Variants in GDAP1 observed in about 807,000 individuals in gnomAD.
GDAP1 encodes the protein ganglioside-induced differentiation-associated protein 1.
In GDAP1, 34 loss-of-function variants were observed where a neutral mutation model predicts 40.1. That is an observed-to-expected ratio of 0.85 (90% confidence interval 0.64 to 1.13). The LOEUF (loss-of-function observed/expected upper bound fraction) is 1.13, where lower values mean the gene tolerates loss of function less well. GDAP1 is among the 50% of genes most tolerant of loss of function. The pLI, the probability that GDAP1 is intolerant of heterozygous loss-of-function variation, is 0.00. For missense variants in GDAP1, 374 were observed against 433.7 expected, an observed-to-expected ratio of 0.86 and a Z score of 1.22; for synonymous variants, 170 against 157.4, an observed-to-expected ratio of 1.08 and a Z score of -0.60.
At chr8:74,478,881 C>A (rs1806670297) in intron 2 of GDAP1, among the ~76,000 whole-genome samples, 1 of 152,160 alleles carries the variant, frequency 6.6e-6, no homozygotes, top group Non-Finnish European at 1.5e-5. Context: ...ACCTCTTCCC[C>A]AGGAGTCACT....
intron 2 of GDAP1, among the ~76,000 whole-genome samples, chr8:74,444,191 TGC>T (rs1806200302): frequency 1.9e-5 from 2 of 107,396 alleles, no homozygotes; most frequent in Admixed American, 1.1e-4. Flanking sequence ...GGCAGGCAAA[TGC>T]ACACACACAC....
chr8:74,478,250 G>A (rs1806660865), intron 2 of GDAP1, among the ~76,000 whole-genome samples: 1 of 152,110 alleles, frequency 6.6e-6, no homozygotes, highest in South Asian at 2.1e-4. Context: ...TCAGGTGCAC[G>A]TGCACACATG....
At chr8:74,383,449 G>T (rs1809983127) in intron 2 of GDAP1, among the ~76,000 whole-genome samples, 1 of 152,216 alleles carries the variant, frequency 6.6e-6, no homozygotes, top group Non-Finnish European at 1.5e-5. Flanking sequence ...TCTCTTGAGA[G>T]AGAAGGACCT....
chr8:74,487,269 A>T (rs1218356732), intron 2 of GDAP1, among the ~76,000 whole-genome samples: 1 of 152,178 alleles, frequency 6.6e-6, no homozygotes, highest in African/African-American at 2.4e-5. Context: ...CAACAAAAAC[A>T]TACCTTAAGG....
At chr8:74,402,339 G>A (rs1400987401) in intron 2 of GDAP1, among the ~76,000 whole-genome samples, 1 of 150,390 alleles carries the variant, frequency 6.6e-6, no homozygotes, top group Non-Finnish European at 1.5e-5. Context: ...AGACTCCGTG[G>A]GCGTAGGACC....
At chr8:74,359,791 A>G (rs1419180534) in intron 2 of GDAP1, among the ~76,000 whole-genome samples, 1 of 152,218 alleles carries the variant, frequency 6.6e-6, no homozygotes, top group Non-Finnish European at 1.5e-5. Flanking sequence ...TGTGTTATGG[A>G]TGTATAGAAG....
At position 74,351,470 on chromosome 8, in the gene GDAP1, A is replaced by G. The variant is rs1808873168; in HGVS notation, c.310+4A>G. On this transcript the variant is annotated splice_donor_region_variant and intron_variant, in intron 2 of 5. Coordinates refer to ENST00000220822, the MANE Select transcript of GDAP1 (RefSeq NM_018972.4). ...CTTGAACAGACTTTCCTGGATGGTA[A>G]TGTTAAGGCTACTTGCGATTTCTTG... is the stretch of plus-strand genomic sequence containing the variant. 1 of 1,603,018 alleles carries G rather than the reference A, an allele frequency of 6.2e-7. No homozygotes were observed. The highest frequency in any genetic ancestry group is 8.5e-7 in the Non-Finnish European group (1 of 1,169,862).
chr8:74,440,299 C>T (rs1806147450), intron 2 of GDAP1, among the ~76,000 whole-genome samples: 2 of 152,120 alleles, frequency 1.3e-5, no homozygotes, highest in Non-Finnish European at 2.9e-5. Context: ...CTCATTGAGA[C>T]AGGGGTATGG....
chr8:74,390,071 GC>G (rs1810084020), intron 2 of GDAP1, among the ~76,000 whole-genome samples: 1 of 152,136 alleles, frequency 6.6e-6, no homozygotes, highest in Non-Finnish European at 1.5e-5. Flanking sequence ...ATTCTAGTTA[GC>G]AATTCCTCTA....
intron 2 of GDAP1, among the ~76,000 whole-genome samples, chr8:74,398,113 A>T (rs1810242156): frequency 6.6e-6 from 1 of 151,784 alleles, no homozygotes; most frequent in South Asian, 2.1e-4. Flanking sequence ...ATTCTCTTTG[A>T]AGCAATTGTG....
chr8:74,447,640 C>T (rs1806248369), intron 2 of GDAP1, among the ~76,000 whole-genome samples: 1 of 152,122 alleles, frequency 6.6e-6, no homozygotes, highest in Non-Finnish European at 1.5e-5. Context: ...CAGATTCCCC[C>T]AAGCACACCC....
intron 2 of GDAP1, among the ~76,000 whole-genome samples, chr8:74,357,598 G>A (rs888533967): frequency 9.9e-5 from 15 of 152,254 alleles, no homozygotes; most frequent in African/African-American, 3.6e-4. Flanking sequence ...CTAAATTTAT[G>A]TGTAATATAA....
chr8:74,400,633 G>A (rs1192118760), intron 2 of GDAP1, among the ~76,000 whole-genome samples: 1 of 149,960 alleles, frequency 6.7e-6, no homozygotes, highest in Admixed American at 6.6e-5. Context: ...AGTTGATGCA[G>A]TTTCTTCCTA....
chr8:74,435,686 G>A (rs941389054), intron 2 of GDAP1, among the ~76,000 whole-genome samples: 1 of 152,136 alleles, frequency 6.6e-6, no homozygotes, highest in Admixed American at 6.5e-5. Flanking sequence ...CATTGAATTT[G>A]GTTGTCAATG....
intron 2 of GDAP1, among the ~76,000 whole-genome samples, chr8:74,353,974 T>G (rs1485592371): frequency 2.0e-5 from 3 of 152,166 alleles, no homozygotes. Flanking sequence ...AACTGTCTAT[T>G]ATGTGCCAGG....
chr8:74,428,332 C>T (rs16938902), intron 2 of GDAP1, among the ~76,000 whole-genome samples: 47,509 of 151,978 alleles, frequency 0.31, 8,624 homozygotes, highest in African/African-American at 0.48. Flanking sequence ...GAGATGTTGC[C>T]CTAAAACAAC....
At chr8:74,382,832 A>G (rs1221725929) in intron 2 of GDAP1, among the ~76,000 whole-genome samples, 1 of 151,970 alleles carries the variant, frequency 6.6e-6, no homozygotes, top group African/African-American at 2.4e-5. Context: ...CAGGTGGATA[A>G]TTTTTGGATT....
chr8:74,435,359 C>T (rs562956396), intron 2 of GDAP1, among the ~76,000 whole-genome samples: 1 of 152,296 alleles, frequency 6.6e-6, no homozygotes, highest in South Asian at 2.1e-4. Flanking sequence ...AGAGAAACAT[C>T]CTATTGGAAA....
At chr8:74,397,753 CTGTAGCCT>C (rs1041049732) in intron 2 of GDAP1, among the ~76,000 whole-genome samples, 4 of 152,158 alleles carry the variant, frequency 2.6e-5, no homozygotes, top group Non-Finnish European at 5.9e-5. Context: ...GTTTTGGTTA[CTGTAGCCT>C]TGTAGTATAG....
Sources: gnomAD v4.1 joint callset for allele counts (sites outside exome capture counted in the v4.1 genomes callset) on GRCh38, gnomAD v4.1.1 for gene constraint, MANE v1.5 for transcripts, NCBI Gene and HGNC (gene_info 2026-07-23, HGNC 2026-07-21) for gene names.